GPR19: variants seen among roughly 807,000 people sequenced by gnomAD.
The protein encoded by GPR19 is probable G protein-coupled receptor 19.
A neutral mutation model predicts 28.5 loss-of-function variants in GPR19; 14 were observed. The observed-to-expected ratio is 0.49, with a 90% CI of 0.32 to 0.77. The LOEUF (loss-of-function observed/expected upper bound fraction) is 0.77, where lower values mean the gene tolerates loss of function less well. Ranked by LOEUF, GPR19 falls within the 30% of genes least tolerant of loss-of-function variation. The pLI is 0.03. For synonymous variants in GPR19, 173 were observed against 184.1 expected, an observed-to-expected ratio of 0.94 and a Z score of 0.49; for missense variants, 409 against 504.1, an observed-to-expected ratio of 0.81 and a Z score of 1.81.
At position 12,662,335 on chromosome 12, in the gene GPR19, T is replaced by A. The variant is rs1211293496; in HGVS notation, c.114A>T (p.Gln38His). 1 of 1,614,114 alleles carries A rather than the reference T, an allele frequency of 6.2e-7. No homozygotes were observed. Among genetic ancestry groups the A allele is most frequent in the Admixed American group, 1.7e-5 (1 of 60,008 alleles). Reference sequence around the variant, plus strand: ...GCTCCTCACTTAATTCCATCAGGTATTGGCTTGGCAGAGGTGTGGCTGTTT... The same window carrying A: ...GCTCCTCACTTAATTCCATCAGGTAATGGCTTGGCAGAGGTGTGGCTGTTT... Reference protein sequence around the residue: ...CTETATPLPSQYLMELSEEHS... With the variant: ...CTETATPLPSHYLMELSEEHS... The change falls in exon 4 of 4, where the codon CAA (glutamine) becomes CAT (histidine). Residue 38 changes from glutamine (Q) to histidine (H), a missense_variant. Transcript: ENST00000651487.
upstream of GPR19, among the ~76,000 whole-genome samples, chr12:12,698,962 T>G (rs1464621972): frequency 1.3e-5 from 2 of 152,178 alleles, no homozygotes. Context: ...GGGAACAGTT[T>G]GGGAGATAGG....
At chr12:12,676,677 C>T (rs1343399018) in intron 3 of GPR19, among the ~76,000 whole-genome samples, 1 of 152,212 alleles carries the variant, frequency 6.6e-6, no homozygotes, top group Non-Finnish European at 1.5e-5. Flanking sequence ...TCCATTCTAT[C>T]TAATACCAAA....
chr12:12,704,307 G>C, the GPR19 span, among the ~76,000 whole-genome samples: 1 of 152,164 alleles, frequency 6.6e-6, no homozygotes, highest in Non-Finnish European at 1.5e-5. Flanking sequence ...TTTGAGGCCA[G>C]CCTGGCCAAC....
chr12:12,665,741 G>A (rs1486355322), intron 3 of GPR19, among the ~76,000 whole-genome samples: 1 of 144,884 alleles, frequency 6.9e-6, no homozygotes, highest in East Asian at 2.1e-4. Flanking sequence ...GGAGGCTGAG[G>A]CAGGAGAACG....
chr12:12,688,638 A>G (rs1946129145), intron 2 of GPR19: 1 of 152,238 alleles, frequency 6.6e-6, no homozygotes, highest in Non-Finnish European at 1.5e-5. Flanking sequence ...AGTCCACAAT[A>G]GCATGGTCAG....
intron 2 of GPR19, among the ~76,000 whole-genome samples, chr12:12,693,366 A>T (rs1946213741): frequency 6.6e-6 from 1 of 152,196 alleles, no homozygotes. Flanking sequence ...TCATGCCTTG[A>T]TGCCCTCCCC....
the GPR19 span, among the ~76,000 whole-genome samples, chr12:12,701,679 C>T: frequency 6.6e-6 from 1 of 152,094 alleles, no homozygotes; most frequent in South Asian, 2.1e-4. Flanking sequence ...GCCTGTAATT[C>T]CAGCACTGTG....
chr12:12,714,138 A>G, the GPR19 span, among the ~76,000 whole-genome samples: 12 of 152,272 alleles, frequency 7.9e-5, no homozygotes, highest in Non-Finnish European at 1.8e-4. Flanking sequence ...GCAAATTAAT[A>G]GAAGGTGCTC....
intron 2 of GPR19, among the ~76,000 whole-genome samples, chr12:12,693,638 C>T (rs1209566497): frequency 1.3e-5 from 2 of 152,204 alleles, no homozygotes; most frequent in African/African-American, 4.8e-5. Context: ...ATCACAGTGG[C>T]CTTCCTCCTG....
At chr12:12,703,350 AAGT>A in the GPR19 span, 52 of 983,166 alleles carry the variant, frequency 5.3e-5, no homozygotes, top group South Asian at 4.7e-4. Flanking sequence ...TTTTTACCAC[AAGT>A]AGTATATGGA....
At chr12:12,688,184 G>T (rs745376355) in intron 2 of GPR19, among the ~76,000 whole-genome samples, 26 of 151,956 alleles carry the variant, frequency 1.7e-4, no homozygotes, top group Non-Finnish European at 3.2e-4. Context: ...TGGGAGGGGG[G>T]GTCATCATCT....
the GPR19 span, among the ~76,000 whole-genome samples, chr12:12,712,144 CAGG>C: frequency 6.6e-6 from 1 of 152,238 alleles, no homozygotes; most frequent in Non-Finnish European, 1.5e-5. Flanking sequence ...CTTTGCGGCT[CAGG>C]AGATTATGGC....
At chr12:12,663,074 A>G (rs932099875) in intron 3 of GPR19, among the ~76,000 whole-genome samples, 2 of 152,384 alleles carry the variant, frequency 1.3e-5, no homozygotes, top group East Asian at 3.9e-4. Flanking sequence ...TACATGAGCC[A>G]GAAATAGCTC....
the GPR19 span, among the ~76,000 whole-genome samples, chr12:12,713,647 C>G: frequency 6.6e-6 from 1 of 152,178 alleles, no homozygotes. Flanking sequence ...ATTATCCTGC[C>G]TCAGCCTCCT....
intron 2 of GPR19, chr12:12,688,915 GT>G (rs1946134940): frequency 1.3e-5 from 2 of 152,354 alleles, no homozygotes; most frequent in East Asian, 3.9e-4. Context: ...CAGACAAGGG[GT>G]ATGTATTAGG....
the GPR19 span, among the ~76,000 whole-genome samples, chr12:12,707,762 A>G: frequency 6.6e-6 from 1 of 152,110 alleles, no homozygotes; most frequent in South Asian, 2.1e-4. Context: ...TCTGTCGCCC[A>G]GGCTGGAGTG....
chr12:12,717,231 G>A, the GPR19 span: 2 of 1,050,178 alleles, frequency 1.9e-6, no homozygotes, highest in Non-Finnish European at 2.3e-6. Context: ...CGGCGCGCTC[G>A]GGAACGAGGG....
intron 3 of GPR19, among the ~76,000 whole-genome samples, chr12:12,665,884 A>T (rs1258160858): frequency 4.0e-5 from 6 of 151,514 alleles, no homozygotes; most frequent in African/African-American, 1.5e-4. Context: ...GCCATATTAT[A>T]ACTCAATTTG....
the GPR19 span, among the ~76,000 whole-genome samples, chr12:12,710,254 G>A: frequency 1.3e-5 from 2 of 151,900 alleles, no homozygotes; most frequent in African/African-American, 2.4e-5. Flanking sequence ...TTGGGAGGCT[G>A]AGGCAGGAGA....
Sources: allele counts gnomAD v4.1 joint callset (sites outside exome capture counted in the v4.1 genomes callset), GRCh38; gene constraint gnomAD v4.1.1; transcripts MANE v1.5; gene names NCBI Gene and HGNC (gene_info 2026-07-23, HGNC 2026-07-21).